UXT: variants seen among roughly 807,000 people sequenced by gnomAD.
The protein encoded by UXT is ubiquitously expressed prefoldin like chaperone, also known as protein UXT.
For synonymous variants in UXT, 54 were observed against 52.8 expected (o/e 1.02, Z -0.10); for missense variants, 111 against 132.7 (o/e 0.84, Z 0.80).
At position 47,651,884 on chromosome X, in the gene UXT, T is replaced by C. The variant is rs1277121786; in HGVS notation, c.468A>G (p.Glu156=). Residue 156 remains glutamate, a synonymous_variant, in exon 6 of 6, where the codon GAA becomes GAG. Transcript: ENST00000335890. The stretch of plus-strand genomic sequence containing the variant: ...CTGGGAAATTCTGCAGGCCTTGTAG[T>C]TCTCTAAGCCCCTGAAAAAGAGGAC... 8.3e-7 allele frequency: 1 copy of C among 1,210,182 alleles called. No individual in the cohort carries two copies. Among genetic ancestry groups the C allele is most frequent in the Non-Finnish European group, 1.1e-6 (1 of 895,069 alleles).
intron 4 of UXT, 36 bp downstream of exon 5, chrX:47,657,147 G>T (rs1423816734): frequency 1.9e-6 from 2 of 1,072,091 alleles, no homozygotes; most frequent in Non-Finnish European, 2.6e-6. Flanking sequence ...GGAAATGGTG[G>T]TGTTTTTACA....
At position 47,658,812 on chromosome X, in the gene UXT, C is replaced by T. The variant is rs1179176212; in HGVS notation, c.134+18G>A. 2.6e-6 allele frequency: 3 copies of T among 1,133,419 alleles called. No individual in the cohort carries two copies. The highest frequency in any genetic ancestry group is 3.5e-6 in the Non-Finnish European group (3 of 857,873). 93.4% of individuals were successfully genotyped at this position (1,133,419 alleles called of 1,213,427 possible). On this transcript the variant is annotated intron_variant, in intron 1 of 5. Transcript: ENST00000335890. The stretch of plus-strand genomic sequence containing the variant: ...CGTGGAATGTTCCAAACGCCCCGCC[C>T]CCCGCACTGTCACTCACCGCAAGTC...
At position 47,655,070 on chromosome X, in the gene UXT, C is replaced by T. The variant is rs181284013; in HGVS notation, c.392+2113G>A. 2.0e-3 allele frequency among the ~76,000 whole-genome samples: 227 copies of T among 112,010 alleles called. 1 individual carries two copies. Among genetic ancestry groups the T allele is most frequent in the African/African-American group, 6.8e-3 (211 of 30,832 alleles). On this transcript the variant is annotated intron_variant, in intron 4 of 5. Coordinates refer to ENST00000335890, the MANE Select transcript of UXT (RefSeq NM_153477.3). ...CTGAGGTGGGCAGATCATCTGAGGT[C>T]GGAGTTTGAGACCAGCCTGGCCAAC...
In UXT at chrX:47,657,380, G is replaced by A. The variant is rs2058086895; in HGVS notation, c.285-90C>T. On this transcript the variant is annotated intron_variant, in intron 3 of 5. Coordinates refer to ENST00000335890, the MANE Select transcript of UXT (RefSeq NM_153477.3). ...TTTGCTCCCCACCCTTCCCCAAATT[G>A]AGGCTCTGGGAAGGCAGGGATTTTG... The A allele has an allele frequency of 3.4e-6, 3 of 876,791 alleles. No homozygotes were observed. The African/African-American group carries it at 6.0e-5, about 17-fold the overall frequency. The allele number at this position is 876,791 out of a possible 1,213,427, so 72.3% of individuals were successfully genotyped here.
In UXT at chrX:47,657,798, A is replaced by G. The variant is rs1467055314; in HGVS notation, c.200T>C (p.Val67Ala). ...AGTCTTTACCTGGAGTCGCTCAATGACATTTCTCAGTTGAAGGTATTTGGC... is the reference window on the plus strand; with the variant it reads ...AGTCTTTACCTGGAGTCGCTCAATGGCATTTCTCAGTTGAAGGTATTTGGC... Residue 67 changes from valine to alanine, a missense_variant, in exon 2 of 6, where the codon GTC becomes GCC. Transcript: ENST00000335890. The G allele has an allele frequency of 2.5e-6, 3 of 1,183,228 alleles. No homozygotes were observed. In the Admixed American group the frequency reaches 7.1e-5, roughly 28 times the overall value.
chrX:47,653,005 G>A (rs1176078009), intron 4 of UXT, among the ~76,000 whole-genome samples: 1 of 111,978 alleles, frequency 8.9e-6, no homozygotes, highest in Non-Finnish European at 1.9e-5. Flanking sequence ...AATGCCTAAT[G>A]GTTAAGCAGT....
chrX:47,658,865 C>T lies in UXT; in HGVS notation c.99G>A (p.Glu33=), dbSNP rs757761057. The T allele has an allele frequency of 1.7e-6, 2 of 1,163,036 alleles. No individual in the cohort carries two copies. Among genetic ancestry groups the T allele is most frequent in the East Asian group, 3.0e-5 (1 of 33,335 alleles). ...GCTGCAGCACGTCACTGATGAAGGTCTCGTAGCGCAGCACTTTCTCCCCCG... is the reference window on the plus strand; with the variant it reads ...GCTGCAGCACGTCACTGATGAAGGTTTCGTAGCGCAGCACTTTCTCCCCCG... Residue 33 remains glutamate, a synonymous_variant, in exon 1 of 6, where the codon GAG becomes GAA. Coordinates refer to ENST00000335890, the MANE Select transcript of UXT (RefSeq NM_153477.3).
chrX:47,654,208 CTT>C (rs575561852), intron 4 of UXT: 17,777 of 239,271 alleles, frequency 0.074, 1,455 homozygotes, highest in African/African-American at 0.36. Context: ...TATGGTTATG[CTT>C]TTTTTTTTTT....
chrX:47,658,886 C>A lies in UXT; in HGVS notation c.78G>T (p.Gly26=). ...AGGTCTCGTAGCGCAGCACTTTCTC[C>A]CCCGTGGCCTCCACCGCCCGCCGCT... is the stretch of plus-strand genomic sequence containing the variant. Residue 26 remains glycine (G), a synonymous_variant, in exon 1 of 6, where the codon GGG becomes GGT. Coordinates refer to ENST00000335890, the MANE Select transcript of UXT (RefSeq NM_153477.3). The A allele has an allele frequency of 8.5e-7, 1 of 1,175,286 alleles. No individual in the cohort carries two copies. The highest frequency in any genetic ancestry group is 1.1e-6 in the Non-Finnish European group (1 of 875,790).
In UXT at chrX:47,651,829, T is replaced by TG. The variant is rs766432653; in HGVS notation, c.*12dup. 8 of 1,209,180 alleles carry TG rather than the reference T, an allele frequency of 6.6e-6. No individual in the cohort carries two copies. Among genetic ancestry groups the TG allele is most frequent in the Non-Finnish European group, 7.8e-6 (7 of 893,932 alleles). ...ATTCAGGCTCTTTAATGTCTGAGGATGGGGGGAAGAAGTCAATGGTGAGGC... is the reference window on the plus strand; with the variant it reads ...ATTCAGGCTCTTTAATGTCTGAGGATGGGGGGGAAGAAGTCAATGGTGAGGC... On this transcript the variant is annotated 3_prime_UTR_variant, in exon 6 of 6. Coordinates refer to ENST00000335890, the MANE Select transcript of UXT (RefSeq NM_153477.3).
chrX:47,653,675 G>T (rs780458515), intron 4 of UXT, among the ~76,000 whole-genome samples: 38 of 111,967 alleles, frequency 3.4e-4, no homozygotes, highest in Non-Finnish European at 6.2e-4. Context: ...TCATTCATTT[G>T]TTTATTGTTT....
Position 47,658,851 on chromosome X carries a change from T to C in UXT, c.113A>G (p.Asp38Gly). The C allele has an allele frequency of 2.6e-6, 3 of 1,150,528 alleles. No homozygotes were observed. Among genetic ancestry groups the C allele is most frequent in the Non-Finnish European group, 3.5e-6 (3 of 864,527 alleles). 94.8% of individuals were successfully genotyped at this position (1,150,528 alleles called of 1,213,427 possible). The stretch of plus-strand genomic sequence containing the variant: ...TCACCGCAAGTCCCGCTGCAGCACG[T>C]CACTGATGAAGGTCTCGTAGCGCAG... The change falls in exon 1 of 6, where the codon GAC becomes GGC. Residue 38 changes from aspartate to glycine, a missense_variant. Asp to Gly is a moderately conservative substitution (Grantham distance 94). Transcript: ENST00000335890.
At chrX:47,658,014 T>C in intron 1 of UXT, 151 bp from the exon 3 acceptor site, 3 of 384,806 alleles carry the variant, frequency 7.8e-6, no homozygotes, top group Non-Finnish European at 1.3e-5. Flanking sequence ...TCAGACTGCC[T>C]GGGTTTGGAT....
intron 4 of UXT, among the ~76,000 whole-genome samples, chrX:47,653,223 A>G (rs370187364): frequency 1.9e-4 from 21 of 111,864 alleles, no homozygotes; most frequent in East Asian, 1.7e-3. Flanking sequence ...TTTGAGGGGT[A>G]AATGAAACTA....
chrX:47,651,923 C>T, intron 5 of UXT, 28 bp from the exon 7 acceptor site: 1 of 1,207,318 alleles, frequency 8.3e-7, no homozygotes, highest in Non-Finnish European at 1.1e-6. Context: ...AGAGATTGAA[C>T]AAAGACTGGG....
intron 3 of UXT, 53 bp from the exon 5 acceptor site, chrX:47,657,343 C>T (rs2058086798): frequency 3.8e-6 from 4 of 1,046,272 alleles, no homozygotes; most frequent in African/African-American, 1.8e-5. Context: ...CACTGTTTAG[C>T]ATAGTTTATG....
At chrX:47,657,428 TC>T in intron 3 of UXT, 138 bp from the exon 5 acceptor site, 1 of 791,048 alleles carries the variant, frequency 1.3e-6, no homozygotes, top group Non-Finnish European at 1.8e-6. Flanking sequence ...CACTGTCACA[TC>T]CCCAGCACCT....
At chrX:47,652,216 G>T (rs2058069774) in intron 4 of UXT, 72 bp from the exon 6 acceptor site, 1 of 963,265 alleles carries the variant, frequency 1.0e-6, no homozygotes, top group Non-Finnish European at 1.5e-6. Flanking sequence ...ATCACTTCAA[G>T]ATCTACTTAT....
rs138695480 is a variant in UXT, at chrX:47,658,843, G to T, written c.121C>A (p.Gln41Lys). The change falls in exon 1 of 6, where the codon CAG (glutamine) becomes AAG (lysine). Residue 41 changes from glutamine to lysine, a missense_variant. Gln to Lys is a moderately conservative substitution (Grantham distance 53). Coordinates refer to ENST00000335890, the MANE Select transcript of UXT (RefSeq NM_153477.3). ...ACTGTCACTCACCGCAAGTCCCGCTGCAGCACGTCACTGATGAAGGTCTCG... is the reference window on the plus strand; with the variant it reads ...ACTGTCACTCACCGCAAGTCCCGCTTCAGCACGTCACTGATGAAGGTCTCG... The T allele has an allele frequency of 2.9e-5, 33 of 1,145,575 alleles. No homozygotes were observed. The African/African-American group carries it at 5.2e-4, about 18-fold the overall frequency. The allele number at this position is 1,145,575 out of a possible 1,213,427, so 94.4% of individuals were successfully genotyped here. A position where few individuals can be genotyped will look rare whatever the true frequency, so the allele number is the denominator to read the frequency against.
Sources: gnomAD v4.1 joint callset for allele counts (sites outside exome capture counted in the v4.1 genomes callset) on GRCh38, gnomAD v4.1.1 for gene constraint, MANE v1.5 for transcripts, NCBI Gene and HGNC (gene_info 2026-07-23, HGNC 2026-07-21) for gene names.